DEF8: variants seen among roughly 807,000 people sequenced by gnomAD.
DEF8 encodes differentially expressed in FDCP 8 homolog, also known as DEF-8.
Under a neutral mutation model 59.1 loss-of-function variants are expected in DEF8, and 38 were observed. The observed-to-expected ratio is 0.64, with a 90% CI of 0.50 to 0.84. DEF8 has a LOEUF of 0.84. DEF8 is among the 40% of genes least tolerant of loss of function. The pLI is 0.00. For missense variants in DEF8, 557 were observed against 615.2 expected, an observed-to-expected ratio of 0.91 and a Z score of 1.00; for synonymous variants, 265 against 250.1, an observed-to-expected ratio of 1.06 and a Z score of -0.56.
chr16:89,958,903 A>C (rs2033643776), intron 5 of DEF8, 111 bp from the exon 6 acceptor site: 2 of 1,525,988 alleles, frequency 1.3e-6, no homozygotes, highest in African/African-American at 1.4e-5. Flanking sequence ...TGAAACTCAC[A>C]ATCTCTGCCC....
At chr16:89,949,374 G>C in intron 1 of DEF8, 43 bp from the exon 2 acceptor site, 1 of 1,503,032 alleles carries the variant, frequency 6.7e-7, no homozygotes, top group Non-Finnish European at 9.0e-7. Flanking sequence ...CCGCGGGTGT[G>C]GTGGGTGGGG....
rs977604269 is a variant in DEF8, at chr16:89,967,717, C to T, written c.*1754C>T. The T allele has an allele frequency of 1.6e-5, 6 of 375,328 alleles. No individual in the cohort carries two copies. The highest frequency in any genetic ancestry group is 2.4e-5 in the Non-Finnish European group (5 of 211,832). The allele number at this position is 375,328 out of a possible 1,614,324, so 23.2% of individuals were successfully genotyped here. On this transcript the variant is annotated 3_prime_UTR_variant, in exon 13 of 13. Coordinates refer to ENST00000563594, the MANE Select transcript of DEF8 (RefSeq NM_001242818.2). ...ACATTTCTGTCATATGGATATTAGC[C>T]ATTCCGAAATCTGTGTAATCAACTT...
At position 89,964,258 on chromosome 16, in the gene DEF8, C is replaced by G. The variant is rs769918370; in HGVS notation, c.1091C>G (p.Ser364Trp). ...LDVHAGRLGC[S>W]LTEIHTLFAK... is the part of the protein sequence containing the mutation. ...GTGCATGCCGGCCGCCTGGGCTGCT[C>G]GCTCACCGAGATCCACACGCTCTTC... Residue 364 changes from serine (S) to tryptophan (W), a missense_variant, in exon 11 of 13, where the codon TCG becomes TGG. Transcript: ENST00000563594. 24 of 1,494,082 alleles carry G rather than the reference C, an allele frequency of 1.6e-5. No individual in the cohort carries two copies. In the East Asian group the frequency reaches 6.0e-4, roughly 37 times the overall value. 92.6% of individuals were successfully genotyped at this position (1,494,082 alleles called of 1,614,324 possible). A position where few individuals can be genotyped will look rare whatever the true frequency, so the allele number is the denominator to read the frequency against.
At chr16:89,950,597 T>C (rs978074739) in intron 2 of DEF8, among the ~76,000 whole-genome samples, 3 of 152,060 alleles carry the variant, frequency 2.0e-5, no homozygotes, top group Admixed American at 6.6e-5. Flanking sequence ...ACCATGTTGG[T>C]CAGGCTGGTT....
chr16:89,960,872 G>A (rs1009448939), intron 6 of DEF8, 59 bp from the exon 7 acceptor site: 1 of 1,571,272 alleles, frequency 6.4e-7, no homozygotes, highest in Non-Finnish European at 8.7e-7. Flanking sequence ...AGCTGAGGGT[G>A]GCCTGGGCTG....
intron 4 of DEF8, chr16:89,956,641 G>C (rs1182842867): frequency 6.6e-6 from 1 of 151,674 alleles, no homozygotes; most frequent in Non-Finnish European, 1.5e-5. Context: ...GATTAGCTGA[G>C]ACTACAGGTG....
chr16:89,966,266 T>C lies in DEF8; in HGVS notation c.*303T>C, dbSNP rs2034598396. 3.3e-6 allele frequency: 1 copy of C among 301,960 alleles called. No homozygotes were observed. 18.7% of individuals were successfully genotyped at this position (301,960 alleles called of 1,614,324 possible). ...CTGGGGGGACATCTCACCTCCCCCA[T>C]GGCACAGAGCCCTCCACACCCCTGG... On this transcript the variant is annotated 3_prime_UTR_variant, in exon 13 of 13. Transcript: ENST00000563594.
chr16:89,951,307 A>C (rs781460398), intron 2 of DEF8, among the ~76,000 whole-genome samples: 94 of 151,742 alleles, frequency 6.2e-4, no homozygotes, highest in Non-Finnish European at 9.6e-4. Context: ...CCCAAGCTGG[A>C]GTGCAGTGGC....
At chr16:89,965,531 C>T (rs941099897) in intron 12 of DEF8, among the ~76,000 whole-genome samples, 2 of 152,080 alleles carry the variant, frequency 1.3e-5, no homozygotes, top group African/African-American at 4.8e-5. Flanking sequence ...AGTTTGGGAG[C>T]CAGGGGAGGG....
At position 89,958,600 on chromosome 16, in the gene DEF8, C is replaced by T. The variant is rs1480502668; in HGVS notation, c.373-414C>T. 1.6e-5 allele frequency: 3 copies of T among 193,396 alleles called. No individual in the cohort carries two copies. In the Admixed American group the frequency reaches 1.6e-4, roughly 10 times the overall value. 12.0% of individuals were successfully genotyped at this position (193,396 alleles called of 1,614,324 possible). A position where few individuals can be genotyped will look rare whatever the true frequency, so the allele number is the denominator to read the frequency against. On this transcript the variant is annotated intron_variant, in intron 5 of 12. Transcript: ENST00000563594. Reference sequence around the variant, plus strand: ...CTTAGAGAAGATGTGTTCGTTTCCTCACGTAAAAATCCCATAGGTGGTCTG... The same window carrying T: ...CTTAGAGAAGATGTGTTCGTTTCCTTACGTAAAAATCCCATAGGTGGTCTG...
intron 2 of DEF8, 145 bp downstream of exon 2, chr16:89,949,658 C>T: frequency 6.3e-7 from 1 of 1,595,260 alleles, no homozygotes; most frequent in Non-Finnish European, 8.5e-7. Context: ...TCCCGCGTGT[C>T]CTGAGCTTCG....
intron 2 of DEF8, among the ~76,000 whole-genome samples, chr16:89,950,562 G>A (rs2031845586): frequency 2.6e-5 from 4 of 152,098 alleles, no homozygotes. Context: ...TAATTTGTTT[G>A]TGTTTTTAGT....
chr16:89,949,419 G>A lies in DEF8; in HGVS notation c.-105G>A, dbSNP rs756262061. 2 of 1,603,652 alleles carry A rather than the reference G, an allele frequency of 1.2e-6. No individual in the cohort carries two copies. The highest frequency in any genetic ancestry group is 8.5e-7 in the Non-Finnish European group (1 of 1,177,246). Reference sequence around the variant, plus strand: ...GCTGGGGTGGCTTCTCCCTGCAGCAGGTGCCGAACCCACGGCCAGGCTTCC... The same window carrying A: ...GCTGGGGTGGCTTCTCCCTGCAGCAAGTGCCGAACCCACGGCCAGGCTTCC... On this transcript the variant is annotated splice_region_variant and 5_prime_UTR_variant, in exon 2 of 13. Transcript: ENST00000563594.
At chr16:89,963,892 G>T in intron 10 of DEF8, 2 of 550,108 alleles carry the variant, frequency 3.6e-6, no homozygotes, top group Non-Finnish European at 6.7e-6. Context: ...GAAGGGTGGG[G>T]AATGTGGGAA....
chr16:89,961,916 G>C, intron 8 of DEF8, 52 bp downstream of exon 8: 1 of 1,600,594 alleles, frequency 6.2e-7, no homozygotes, highest in Non-Finnish European at 8.5e-7. Context: ...GCAGGAAGGG[G>C]GTTGGGGTGT....
At chr16:89,949,987 C>A (rs2031700279) in intron 2 of DEF8, 1 of 1,041,080 alleles carries the variant, frequency 9.6e-7, no homozygotes, top group Non-Finnish European at 1.2e-6. Flanking sequence ...TCCCCTCATT[C>A]ATCCCCTGCC....
chr16:89,951,180 A>G (rs910923971), intron 2 of DEF8, among the ~76,000 whole-genome samples: 36 of 152,064 alleles, frequency 2.4e-4, no homozygotes, highest in African/African-American at 8.2e-4. Context: ...CACAGCTAGG[A>G]GCTAGCAGAG....
intron 9 of DEF8, 131 bp from the exon 10 acceptor site, chr16:89,963,232 G>T: frequency 1.2e-5 from 8 of 656,726 alleles, no homozygotes; most frequent in Non-Finnish European, 2.0e-5. Flanking sequence ...TTTTGGTGAA[G>T]CACTCAGATC....
At chr16:89,960,885 G>A in intron 6 of DEF8, 46 bp from the exon 7 acceptor site, 1 of 1,590,644 alleles carries the variant, frequency 6.3e-7, no homozygotes, top group African/African-American at 1.3e-5. Context: ...CTGGGCTGCA[G>A]GCGCACCCTT....
Sources: gnomAD v4.1 joint callset for allele counts (sites outside exome capture counted in the v4.1 genomes callset) on GRCh38, gnomAD v4.1.1 for gene constraint, MANE v1.5 for transcripts, NCBI Gene and HGNC (gene_info 2026-07-23, HGNC 2026-07-21) for gene names.